WLS: variants seen among roughly 807,000 people sequenced by gnomAD.
WLS encodes the protein Wnt ligand secretion mediator, also known as protein wntless homolog.
In WLS, 23 loss-of-function variants were observed where a neutral mutation model predicts 62.8. The ratio of observed to expected loss-of-function variants is 0.37; its 90% confidence interval spans 0.26 to 0.52. The LOEUF (loss-of-function observed/expected upper bound fraction) is 0.52. WLS is among the 20% of genes least tolerant of loss of function. The pLI is 0.92. For missense variants in WLS, 615 were observed against 697.3 expected, an observed-to-expected ratio of 0.88 and a Z score of 1.33; for synonymous variants, 246 against 244.1, an observed-to-expected ratio of 1.01 and a Z score of -0.07.
At chr1:68,185,498 T>C (rs1396681555) in intron 2 of WLS, among the ~76,000 whole-genome samples, 1 of 152,120 alleles carries the variant, frequency 6.6e-6, no homozygotes, top group Non-Finnish European at 1.5e-5. Flanking sequence ...TGAGCAAGTA[T>C]TATAGCCTGA....
Position 68,159,232 on chromosome 1 carries a change from ACTT to A in WLS, c.392_394del (p.Glu131del). On this transcript the variant is annotated inframe_deletion, in exon 3 of 12. Coordinates refer to ENST00000262348, the MANE Select transcript of WLS (RefSeq NM_024911.7). ...GTAAGCCAGGGAAACGTCCATGGAGACTTCTGCATTTTCTCCTGCAAGAGAAAG... is the reference window on the plus strand; with the variant it reads ...GTAAGCCAGGGAAACGTCCATGGAGACTGCATTTTCTCCTGCAAGAGAAAG... 1 of 1,613,240 alleles carries A rather than the reference ACTT, an allele frequency of 6.2e-7. No individual in the cohort carries two copies. The highest frequency in any genetic ancestry group is 8.5e-7 in the Non-Finnish European group (1 of 1,179,794).
intron 2 of WLS, among the ~76,000 whole-genome samples, chr1:68,180,460 A>G (rs1182946456): frequency 2.0e-5 from 3 of 151,740 alleles, no homozygotes; most frequent in Non-Finnish European, 4.4e-5. Flanking sequence ...GGGCTTGCAT[A>G]ATGTCTTTGG....
In WLS at chr1:68,232,294, A is replaced by C; in HGVS notation, c.6T>G (p.Ala2=). 6.2e-7 allele frequency: 1 copy of C among 1,613,522 alleles called. No homozygotes were observed. Among genetic ancestry groups the C allele is most frequent in the East Asian group, 2.2e-5 (1 of 44,820 alleles). The part of the protein sequence containing the change: M[A]GAIIENMSTK... ...TGCTCATGTTTTCTATAATTGCCCC[A>C]GCCATTTTTGCGCCCCCCCTTTTTC... is the stretch of plus-strand genomic sequence containing the variant. The change falls in exon 1 of 12, where the codon GCT becomes GCG. Residue 2 remains alanine, a synonymous_variant. Coordinates refer to ENST00000262348, the MANE Select transcript of WLS (RefSeq NM_024911.7).
intron 11 of WLS, among the ~76,000 whole-genome samples, chr1:68,116,795 G>C (rs930946581): frequency 6.6e-6 from 1 of 152,168 alleles, no homozygotes; most frequent in Non-Finnish European, 1.5e-5. Context: ...TTTCTTTCAA[G>C]ATAAAAACTC....
chr1:68,159,376 A>T, intron 2 of WLS, 129 bp from the exon 3 acceptor site: 7 of 1,222,896 alleles, frequency 5.7e-6, no homozygotes, highest in Non-Finnish European at 7.8e-6. Context: ...TTTCTATCAA[A>T]CTCCAAACCT....
At chr1:68,144,460 GAA>G in intron 10 of WLS, 107 bp downstream of exon 10, 3 of 1,077,438 alleles carry the variant, frequency 2.8e-6, no homozygotes, top group African/African-American at 1.6e-5. Flanking sequence ...CAGCTGTCCA[GAA>G]TTATGGCCTC....
In WLS at chr1:68,184,645, C is replaced by G. The variant is rs956336894; in HGVS notation, c.379+9310G>C. On this transcript the variant is annotated intron_variant, in intron 2 of 11. Coordinates refer to ENST00000262348, the MANE Select transcript of WLS (RefSeq NM_024911.7). ...CTCCTTTAGAGTAAAAATTGAAATC[C>G]CATATCCCTAACAACTAGACAGAAG... is the stretch of plus-strand genomic sequence containing the variant. 2.0e-5 allele frequency among the ~76,000 whole-genome samples: 3 copies of G among 152,126 alleles called. 1 individual carries two copies. Among genetic ancestry groups the G allele is most frequent in the African/African-American group, 7.2e-5 (3 of 41,422 alleles).
chr1:68,124,579 G>A (rs1017338), downstream of WLS, among the ~76,000 whole-genome samples: 94,726 of 152,022 alleles, frequency 0.62, 30,228 homozygotes, highest in Middle Eastern at 0.72. Context: ...GTTCCCTGCT[G>A]GACTGGGAGG....
intron 10 of WLS, among the ~76,000 whole-genome samples, chr1:68,139,351 A>G (rs1557469819): frequency 6.6e-6 from 1 of 152,188 alleles, no homozygotes; most frequent in Non-Finnish European, 1.5e-5. Context: ...TGCAGAATAT[A>G]CTAACTTTAT....
At chr1:68,125,254 A>G (rs1646412057), downstream of WLS, 1 of 921,012 alleles carries the variant, frequency 1.1e-6, no homozygotes, top group South Asian at 5.0e-5. Flanking sequence ...TTATCCCCAA[A>G]CACTTTGATT....
chr1:68,210,140 A>T (rs976255716), intron 1 of WLS, among the ~76,000 whole-genome samples: 40 of 152,166 alleles, frequency 2.6e-4, no homozygotes, highest in African/African-American at 8.9e-4. Context: ...TGAATTATGA[A>T]TTTTCTGCAG....
chr1:68,118,957 C>A (rs1323638824), intron 11 of WLS, among the ~76,000 whole-genome samples: 2 of 141,710 alleles, frequency 1.4e-5, no homozygotes, highest in African/African-American at 5.2e-5. Context: ...AATAATTGAT[C>A]TTTAACCCAG....
intron 2 of WLS, among the ~76,000 whole-genome samples, chr1:68,175,090 C>T (rs569578579): frequency 1.5e-4 from 23 of 152,320 alleles, no homozygotes; most frequent in Admixed American, 6.5e-5. Flanking sequence ...GCCTACTGGC[C>T]TGTTCTCCCT....
chr1:68,105,293 T>C (rs916562288), intron 11 of WLS, among the ~76,000 whole-genome samples: 1 of 152,232 alleles, frequency 6.6e-6, no homozygotes, highest in Admixed American at 6.5e-5. Flanking sequence ...TGAGTGCTTA[T>C]ACTTTGCATA....
intron 2 of WLS, among the ~76,000 whole-genome samples, chr1:68,192,628 C>T (rs570804026): frequency 6.6e-6 from 1 of 150,750 alleles, no homozygotes; most frequent in East Asian, 1.9e-4. Context: ...GCCTGTAGTC[C>T]TAGCTATTCA....
chr1:68,229,003 A>C (rs138690882), intron 1 of WLS, among the ~76,000 whole-genome samples: 149 of 151,610 alleles, frequency 9.8e-4, no homozygotes, highest in African/African-American at 3.4e-3. Flanking sequence ...TGAATGTTTA[A>C]ATTTTCTCCA....
chr1:68,155,442 A>G (rs1162840062), intron 3 of WLS, among the ~76,000 whole-genome samples, 182 bp from the exon 4 acceptor site: 3 of 152,188 alleles, frequency 2.0e-5, no homozygotes, highest in Non-Finnish European at 2.9e-5. Context: ...CCAACCTAAA[A>G]CAAACATCAA....
At chr1:68,145,789 T>A in intron 9 of WLS, 80 bp downstream of exon 9, 1 of 1,561,150 alleles carries the variant, frequency 6.4e-7, no homozygotes, top group Non-Finnish European at 8.7e-7. Context: ...GCTTTCTATC[T>A]CCAGGGTGTG....
At chr1:68,164,390 C>A (rs572534378) in intron 2 of WLS, among the ~76,000 whole-genome samples, 38 of 152,080 alleles carry the variant, frequency 2.5e-4, no homozygotes, top group Middle Eastern at 3.4e-3. Flanking sequence ...TCCTGAGTAG[C>A]TGGGATTACA....
Sources: allele counts gnomAD v4.1 joint callset (sites outside exome capture counted in the v4.1 genomes callset), GRCh38; gene constraint gnomAD v4.1.1; transcripts MANE v1.5; gene names NCBI Gene and HGNC (gene_info 2026-07-23, HGNC 2026-07-21).